The following NPAS2 variants were observed in gnomAD, a reference collection of about 807,000 sequenced individuals.
The protein encoded by NPAS2 is neuronal PAS domain-containing protein 2.
Under a neutral mutation model 107.5 loss-of-function variants are expected in NPAS2, and 23 were observed. The ratio of observed to expected loss-of-function variants is 0.21; its 90% CI spans 0.15 to 0.30. The LOEUF is 0.30. NPAS2 is among the 10% of genes least tolerant of loss of function. The pLI is 1.00. For missense variants in NPAS2, 756 were observed against 1,043.3 expected (o/e 0.72, Z 3.79); for synonymous variants, 403 against 417.5 (o/e 0.97, Z 0.42).
intron 1 of NPAS2, among the ~76,000 whole-genome samples, chr2:100,854,841 C>T (rs1422795268): frequency 6.6e-6 from 1 of 152,196 alleles, no homozygotes; most frequent in Non-Finnish European, 1.5e-5. Context: ...ATTCACCTGT[C>T]TCTACAGCTG....
chr2:100,965,688 T>A lies in NPAS2; in HGVS notation c.829T>A (p.Phe277Ile). The A allele has an allele frequency of 6.2e-7, 1 of 1,613,972 alleles. No homozygotes were observed. The highest frequency in any genetic ancestry group is 8.5e-7 in the Non-Finnish European group (1 of 1,179,902). ...RAPPIIGYLP[F>I]EVLGTSGYDY... ...ACCTCCAATCATAGGATACCTGCCT[T>A]TTGAAGTGCTGGGAACCTCAGGCTA... Residue 277 changes from phenylalanine (F) to isoleucine (I), a missense_variant, in exon 10 of 21, where the codon TTT becomes ATT. Phe to Ile is a conservative substitution (Grantham distance 21, BLOSUM62 0). Around this residue, in one of 4 missense-constraint regions of NPAS2, gnomAD observed 84 missense variants for 175.5 expected, o/e 0.48. Transcript: ENST00000335681. This position sits in a 1 kb window ranked among gnomAD's most constrained non-coding sequence, Gnocchi z 4.3.
At chr2:100,896,656 T>C (rs1399965395) in intron 1 of NPAS2, among the ~76,000 whole-genome samples, 2 of 152,242 alleles carry the variant, frequency 1.3e-5, no homozygotes, top group African/African-American at 4.8e-5. Flanking sequence ...GAAGTTTTTG[T>C]TTTAATTTTA....
intron 2 of NPAS2, among the ~76,000 whole-genome samples, chr2:100,921,889 C>T (rs746179349): frequency 8.5e-5 from 13 of 152,198 alleles, no homozygotes; most frequent in South Asian, 4.2e-4. Flanking sequence ...GTGTTCAGAA[C>T]GGCATTATTC....
intron 5 of NPAS2, among the ~76,000 whole-genome samples, chr2:100,943,173 G>A (rs1410828774): frequency 5.3e-5 from 8 of 152,216 alleles, no homozygotes; most frequent in Admixed American, 5.2e-4. Context: ...CACCAGCAAG[G>A]TGGAGACGTC....
rs914924247 is a variant in NPAS2 at position 100,839,823 on chromosome 2, A to G, written c.-23+19409A>G. 2.0e-5 allele frequency among the ~76,000 whole-genome samples: 3 copies of G among 152,158 alleles called. No homozygotes were observed. In the East Asian group the frequency reaches 5.8e-4, roughly 29 times the overall value. ...GGCATGTCTAGAGTTTTTGTTTCAT[A>G]TCAGTTAAGAATATTTGTGCTTCAC... On this transcript the variant is annotated intron_variant, in intron 1 of 20. Coordinates refer to ENST00000335681, the MANE Select transcript of NPAS2 (RefSeq NM_002518.4).
intron 2 of NPAS2, among the ~76,000 whole-genome samples, chr2:100,909,737 GT>G (rs34081201): frequency 0.4 from 59,230 of 146,848 alleles, 11,993 homozygotes; most frequent in Non-Finnish European, 0.45. Flanking sequence ...CTTCCTCTTT[GT>G]TTTTTTTTTT....
chr2:100,898,799 AAC>A (rs869077597), intron 1 of NPAS2, among the ~76,000 whole-genome samples: 19 of 142,936 alleles, frequency 1.3e-4, no homozygotes, highest in South Asian at 9.0e-4. Context: ...AAAAAAAAAA[AAC>A]AAACCTGAAA....
At chr2:100,918,646 A>T (rs1249351658) in intron 2 of NPAS2, among the ~76,000 whole-genome samples, 2 of 152,218 alleles carry the variant, frequency 1.3e-5, no homozygotes, top group Non-Finnish European at 2.9e-5. Flanking sequence ...AAGTGAAAAG[A>T]TGTCCACTGC....
intron 10 of NPAS2, among the ~76,000 whole-genome samples, chr2:100,966,047 C>T (rs1184974487): frequency 6.6e-6 from 1 of 151,908 alleles, no homozygotes; most frequent in Non-Finnish European, 1.5e-5. Flanking sequence ...TAAGGTGATG[C>T]AGGGATTTTT....
intron 1 of NPAS2, among the ~76,000 whole-genome samples, chr2:100,902,515 A>G (rs902947205): frequency 6.6e-6 from 1 of 152,224 alleles, no homozygotes; most frequent in African/African-American, 2.4e-5. Flanking sequence ...AGTCAAATTT[A>G]TAGAGACAGA....
rs546315759 is a variant in NPAS2 at position 100,968,388 on chromosome 2, T to A, written c.1015T>A (p.Ser339Thr). ...HYYITYHQWN[S>T]KPEFIVCTHS... The stretch of plus-strand genomic sequence containing the variant: ...CTACATCACCTACCATCAGTGGAAC[T>A]CCAAGCCCGAGTTCATCGTGTGCAC... The change falls in exon 11 of 21, where the codon TCC becomes ACC. Residue 339 changes from serine to threonine, a missense_variant. By Grantham distance (58) the Ser-to-Thr change is moderately conservative. Coordinates refer to ENST00000335681, the MANE Select transcript of NPAS2 (RefSeq NM_002518.4). The surrounding 1 kb of genome is among the most constrained non-coding windows in gnomAD (Gnocchi z 5.3). 3 of 1,614,018 alleles carry A rather than the reference T, an allele frequency of 1.9e-6. No individual in the cohort carries two copies. The Admixed American group carries it at 5.0e-5, about 27-fold the overall frequency.
At chr2:100,830,975 A>G (rs1676693714) in intron 1 of NPAS2, among the ~76,000 whole-genome samples, 2 of 152,120 alleles carry the variant, frequency 1.3e-5, no homozygotes, top group Non-Finnish European at 2.9e-5. Context: ...GACAAGGGGA[A>G]GCCAGTCTGG....
rs189978285 is a variant in NPAS2 at position 100,825,395 on chromosome 2, T to C, written c.-23+4981T>C. Among the ~76,000 whole-genome samples, 513 of 152,354 alleles carry C rather than the reference T, an allele frequency of 3.4e-3. 11 individuals are homozygous for C. Among genetic ancestry groups the C allele is most frequent in the Non-Finnish European group, 9.8e-4 (67 of 68,028 alleles). ...TATTTTCCGTTCAGTGTTTTTTCTATGCATTGAAATATTTTTATATTAGTT... is the reference window on the plus strand; with the variant it reads ...TATTTTCCGTTCAGTGTTTTTTCTACGCATTGAAATATTTTTATATTAGTT... On this transcript the variant is annotated intron_variant, in intron 1 of 20. Transcript: ENST00000335681.
chr2:100,962,457 A>G lies in NPAS2; in HGVS notation c.599-1601A>G, dbSNP rs558755490. 2.1e-4 allele frequency among the ~76,000 whole-genome samples: 32 copies of G among 152,326 alleles called. No homozygotes were observed. The East Asian group carries it at 4.2e-3, about 20-fold the overall frequency. ...TATTCCAGTTCAGAATGTGCAGGAT[A>G]TAATTGTGAAAAACGCAGCACAGAT... On this transcript the variant is annotated intron_variant, in intron 7 of 20. Transcript: ENST00000335681.
intron 1 of NPAS2, among the ~76,000 whole-genome samples, chr2:100,871,296 A>G (rs1041669824): frequency 2.7e-5 from 4 of 150,400 alleles, no homozygotes; most frequent in African/African-American, 9.8e-5. Flanking sequence ...GTCCTGAGCT[A>G]GGATGCTTGC....
chr2:100,895,126 A>G (rs1385732162), intron 1 of NPAS2, among the ~76,000 whole-genome samples: 1 of 152,092 alleles, frequency 6.6e-6, no homozygotes, highest in Non-Finnish European at 1.5e-5. Context: ...ACACATACAC[A>G]TTTTCAACAC....
At chr2:100,879,584 A>T (rs1017908991) in intron 1 of NPAS2, among the ~76,000 whole-genome samples, 1 of 151,920 alleles carries the variant, frequency 6.6e-6, no homozygotes, top group African/African-American at 2.4e-5. Flanking sequence ...AAGTGAGATC[A>T]TGCAGTATTT....
intron 20 of NPAS2, 84 bp from the exon 21 acceptor site, chr2:100,995,316 C>T (rs1678383021): frequency 7.9e-7 from 1 of 1,266,226 alleles, no homozygotes; most frequent in Non-Finnish European, 1.1e-6. Flanking sequence ...ACTCAACCTG[C>T]AGCATGCCCC....
intron 1 of NPAS2, among the ~76,000 whole-genome samples, chr2:100,899,674 C>T (rs766948230): frequency 2.6e-5 from 4 of 152,090 alleles, no homozygotes; most frequent in Admixed American, 6.6e-5. Context: ...CTTAAAAATG[C>T]GGTTTATTTT....
Sources: gnomAD v4.1 joint callset for allele counts (sites outside exome capture counted in the v4.1 genomes callset) on GRCh38, gnomAD v4.1.1 for gene constraint, gnomAD v4.1.1 regional missense constraint, Gnocchi (gnomAD v3.1) non-coding constraint, MANE v1.5 for transcripts, NCBI Gene and HGNC (gene_info 2026-07-23, HGNC 2026-07-21) for gene names.